The following BTAF1 variants were observed in gnomAD, a reference collection of about 807,000 sequenced individuals.
BTAF1 encodes the protein TATA-binding protein-associated factor 172.
Under a neutral mutation model 227.1 loss-of-function variants are expected in BTAF1, and 38 were observed. That is an observed-to-expected ratio of 0.17 (90% CI 0.13 to 0.22). The LOEUF is 0.22. BTAF1 is among the 10% of genes least tolerant of loss of function. BTAF1 has a pLI of 1.00. For missense variants in BTAF1, 1,598 were observed against 2,204.0 expected (o/e 0.73, Z 5.51); for synonymous variants, 742 against 751.9 (o/e 0.99, Z 0.21).
chr10:92,008,930 A>C lies in BTAF1; in HGVS notation c.3915A>C (p.Leu1305=). 5.6e-6 allele frequency: 9 copies of C among 1,613,764 alleles called. No individual in the cohort carries two copies. The highest frequency in any genetic ancestry group is 7.6e-6 in the Non-Finnish European group (9 of 1,179,890). Reference sequence around the variant, plus strand: ...AAACTTTACAGTCCATCTGCATTCTAGCAGGAGATCATTGTCATAGGTAAT... The same window carrying C: ...AAACTTTACAGTCCATCTGCATTCTCGCAGGAGATCATTGTCATAGGTAAT... ...LGKTLQSICI[L]AGDHCHRAQE... Residue 1305 remains leucine (L), a synonymous_variant, in exon 27 of 38, where the codon CTA becomes CTC. Coordinates refer to ENST00000265990, the MANE Select transcript of BTAF1 (RefSeq NM_003972.3).
rs1481706472 is a variant in BTAF1 at position 91,997,168 on chromosome 10, T to TA, written c.3512-434dup. ...CTGAAGATTACAGGAGAACTGCGCT[T>TA]ACTAGGCTCACTATATCCTGCTGGT... On this transcript the variant is annotated intron_variant, in intron 24 of 37. Coordinates refer to ENST00000265990, the MANE Select transcript of BTAF1 (RefSeq NM_003972.3). The TA allele has an allele frequency of 9.3e-6, 12 of 1,286,898 alleles. No individual in the cohort carries two copies. The East Asian group carries it at 6.7e-4, about 71-fold the overall frequency. 79.7% of individuals were successfully genotyped at this position (1,286,898 alleles called of 1,614,324 possible). A position where few individuals can be genotyped will look rare whatever the true frequency, so the allele number is the denominator to read the frequency against.
intron 25 of BTAF1, among the ~76,000 whole-genome samples, chr10:92,005,209 A>G (rs905102040): frequency 1.3e-5 from 2 of 151,638 alleles, no homozygotes; most frequent in Admixed American, 6.6e-5. Context: ...TGCTTTGGCT[A>G]TCTGGGGTTT....
chr10:91,935,936 T>A (rs1031976341), intron 2 of BTAF1, among the ~76,000 whole-genome samples, 156 bp downstream of exon 2: 39 of 152,172 alleles, frequency 2.6e-4, no homozygotes, highest in Non-Finnish European at 4.7e-4. Flanking sequence ...TTTTTTTTTT[T>A]AATCAAGTTT....
intron 14 of BTAF1, among the ~76,000 whole-genome samples, chr10:91,977,768 T>C (rs1847793646): frequency 6.6e-6 from 1 of 152,194 alleles, no homozygotes; most frequent in Non-Finnish European, 1.5e-5. Flanking sequence ...CTAACAGGTA[T>C]AGAGTGGTAT....
At chr10:91,966,305 A>G (rs981768901) in intron 13 of BTAF1, among the ~76,000 whole-genome samples, 2 of 152,216 alleles carry the variant, frequency 1.3e-5, no homozygotes, top group Admixed American at 6.5e-5. Context: ...CAGCTAGGAT[A>G]CATGTCCCAT....
rs559876990 is a variant in BTAF1, at chr10:91,983,758, G to A, written c.2224-443G>A. On this transcript the variant is annotated intron_variant, in intron 18 of 37. Coordinates refer to ENST00000265990, the MANE Select transcript of BTAF1 (RefSeq NM_003972.3). ...GAGTGGGAAGGGTTAGTTAAATTTG[G>A]GGATAGATAAGTAGCTTTTAAAATT... Among the ~76,000 whole-genome samples, 4 of 152,222 alleles carry A rather than the reference G, an allele frequency of 2.6e-5. No individual in the cohort carries two copies. The East Asian group carries it at 7.7e-4, about 29-fold the overall frequency.
At chr10:91,945,362 A>G (rs545172433) in intron 4 of BTAF1, among the ~76,000 whole-genome samples, 1 of 152,276 alleles carries the variant, frequency 6.6e-6, no homozygotes, top group South Asian at 2.1e-4. Flanking sequence ...TAGTAATGTT[A>G]AGTACAGTCA....
chr10:91,997,832 G>A, intron 25 of BTAF1, 81 bp downstream of exon 25: 1 of 1,419,994 alleles, frequency 7.0e-7, no homozygotes, highest in Non-Finnish European at 9.7e-7. Flanking sequence ...TTTAGGGCCA[G>A]GTACAAAGGC....
intron 24 of BTAF1, chr10:91,997,080 A>G: frequency 7.8e-7 from 1 of 1,283,792 alleles, no homozygotes; most frequent in South Asian, 1.2e-5. Flanking sequence ...TATCTGAAAG[A>G]TATTTCACAG....
chr10:91,934,831 A>C (rs562668565), intron 1 of BTAF1, among the ~76,000 whole-genome samples: 1 of 151,936 alleles, frequency 6.6e-6, no homozygotes, highest in South Asian at 2.1e-4. Context: ...TTCACCACCT[A>C]ATCTCCACCA....
chr10:91,997,031 C>CT, intron 24 of BTAF1: 1 of 1,056,374 alleles, frequency 9.5e-7, no homozygotes, highest in Non-Finnish European at 1.3e-6. Context: ...AAGCCCTTTG[C>CT]TAAGGGTATG....
In BTAF1 at chr10:91,993,845, T is replaced by C; in HGVS notation, c.3197T>C (p.Phe1066Ser). ...PLRNTIDINN[F>S]DGKSLLDKGD... ...AGGAATACAATCGACATAAATAATT[T>C]TGGTATACACATATTTTTATGAGTC... is the stretch of plus-strand genomic sequence containing the variant. The change falls in exon 22 of 38, where the codon TTT becomes TCT. Residue 1066 changes from phenylalanine (F) to serine (S), a missense_variant and splice_region_variant. Phe to Ser is a radical substitution (Grantham distance 155, BLOSUM62 -2). This residue lies in a region of BTAF1 where 425 missense variants were observed against 491.2 expected (regional missense o/e 0.87). Coordinates refer to ENST00000265990, the MANE Select transcript of BTAF1 (RefSeq NM_003972.3). 7 of 1,589,068 alleles carry C rather than the reference T, an allele frequency of 4.4e-6. No homozygotes were observed. The highest frequency in any genetic ancestry group is 1.3e-5 in the African/African-American group (1 of 74,432).
chr10:91,936,051 C>G (rs1844589000), intron 2 of BTAF1, among the ~76,000 whole-genome samples: 1 of 151,864 alleles, frequency 6.6e-6, no homozygotes, highest in Admixed American at 6.6e-5. Flanking sequence ...TGTTAGTAGT[C>G]TAACTTGTTC....
At chr10:91,997,170 C>T in intron 24 of BTAF1, 1 of 1,284,640 alleles carries the variant, frequency 7.8e-7, no homozygotes, top group Non-Finnish European at 1.0e-6. Context: ...ACTGCGCTTA[C>T]TAGGCTCACT....
At chr10:91,930,030 A>T (rs1844168288) in intron 1 of BTAF1, among the ~76,000 whole-genome samples, 1 of 152,140 alleles carries the variant, frequency 6.6e-6, no homozygotes, top group Non-Finnish European at 1.5e-5. Context: ...TCTTTGGCGT[A>T]TTTCTCAAGG....
At chr10:91,979,202 T>G (rs1847914562) in intron 14 of BTAF1, among the ~76,000 whole-genome samples, 1 of 152,208 alleles carries the variant, frequency 6.6e-6, no homozygotes. Flanking sequence ...GTACCACATT[T>G]TCTTTATCCA....
chr10:92,025,853 T>G (rs1851476026), intron 35 of BTAF1, among the ~76,000 whole-genome samples: 1 of 149,280 alleles, frequency 6.7e-6, no homozygotes, highest in African/African-American at 2.5e-5. Context: ...TAAGAGATCA[T>G]TAGGCACAAT....
intron 4 of BTAF1, among the ~76,000 whole-genome samples, chr10:91,946,908 C>A (rs1845407653): frequency 6.6e-6 from 1 of 150,968 alleles, no homozygotes; most frequent in Non-Finnish European, 1.5e-5. Context: ...GGTGTGATCT[C>A]TGCTCACTGC....
chr10:91,989,108 G>T (rs1054798495), intron 19 of BTAF1, 46 bp from the exon 20 acceptor site: 1 of 1,484,736 alleles, frequency 6.7e-7, no homozygotes, highest in Non-Finnish European at 9.0e-7. Flanking sequence ...CAGTCTATTT[G>T]GGGTTGATAT....
Sources: gnomAD v4.1 joint callset for allele counts (sites outside exome capture counted in the v4.1 genomes callset) on GRCh38, gnomAD v4.1.1 for gene constraint, gnomAD v4.1.1 regional missense constraint, MANE v1.5 for transcripts, NCBI Gene and HGNC (gene_info 2026-07-23, HGNC 2026-07-21) for gene names.